Variants in RPRD2 observed in about 807,000 individuals in gnomAD.
RPRD2 encodes the protein regulation of nuclear pre-mRNA domain containing 2.
A neutral mutation model predicts 104.4 loss-of-function variants in RPRD2; 12 were observed. That is an observed-to-expected ratio of 0.11 (90% CI 0.07 to 0.19). The LOEUF is 0.19. Among genes scored for constraint, RPRD2 ranks in the 10% least tolerant of loss-of-function variants. The pLI is 1.00. For missense variants in RPRD2, 1,543 were observed against 1,790.1 expected (o/e 0.86, Z 2.49); for synonymous variants, 714 against 684.9 (o/e 1.04, Z -0.66).
chr1:150,461,170 G>A (rs1553898752), intron 9 of RPRD2, among the ~76,000 whole-genome samples: 1 of 151,916 alleles, frequency 6.6e-6, no homozygotes, highest in African/African-American at 2.4e-5. Context: ...TGAGATGGTA[G>A]ATTGCCTGAG....
rs1553876874 is a variant in RPRD2, at chr1:150,364,754, T to TCCTCGTCGG, written c.45_53dup (p.Ser18_Ala20dup). 3.1e-6 allele frequency: 5 copies of TCCTCGTCGG among 1,600,148 alleles called. No homozygotes were observed. In the African/African-American group the frequency reaches 6.7e-5, roughly 21 times the overall value. ...CGGCGGAGGCAGCAGTAAGGCCTCC[T>TCCTCGTCGG]CCTCGTCGGCCTCTTCGGCAGGGGC... On this transcript the variant is annotated inframe_insertion, in exon 1 of 11. Coordinates refer to ENST00000369068, the MANE Select transcript of RPRD2 (RefSeq NM_015203.5).
At chr1:150,468,142 A>T (rs1668395429) in intron 10 of RPRD2, among the ~76,000 whole-genome samples, 1 of 152,130 alleles carries the variant, frequency 6.6e-6, no homozygotes, top group African/African-American at 2.4e-5. Context: ...TCTGTCTCAA[A>T]AAAAGAGAAA....
intron 1 of RPRD2, among the ~76,000 whole-genome samples, chr1:150,380,013 C>T (rs1364904384): frequency 6.6e-6 from 1 of 152,048 alleles, no homozygotes; most frequent in Non-Finnish European, 1.5e-5. Flanking sequence ...CGCATATTGC[C>T]CGATCGTCTC....
At chr1:150,384,667 GTGTGTGTGTGTGTGTT>G (rs1272302548) in intron 1 of RPRD2, among the ~76,000 whole-genome samples, 7 of 148,644 alleles carry the variant, frequency 4.7e-5, no homozygotes, top group African/African-American at 1.0e-4. Context: ...GTGTGTGTGT[GTGTGTGTGTGTGTGTT>G]TTTAGTAGAG....
At chr1:150,370,151 A>G (rs1553878074) in intron 1 of RPRD2, among the ~76,000 whole-genome samples, 2 of 152,162 alleles carry the variant, frequency 1.3e-5, no homozygotes, top group African/African-American at 4.8e-5. Context: ...GGCTCAAGCT[A>G]TCTGCCTGCC....
At chr1:150,448,308 A>G (rs1290955937) in intron 7 of RPRD2, among the ~76,000 whole-genome samples, 1 of 152,040 alleles carries the variant, frequency 6.6e-6, no homozygotes, top group Non-Finnish European at 1.5e-5. Flanking sequence ...AGCTGGGATT[A>G]CAGGTGCATG....
Position 150,450,555 on chromosome 1 carries a change from G to A in RPRD2, c.870+4154G>A, listed in dbSNP as rs185959385. ...CAGGAGGCGGAGCTTGCAGTGAGCCGAGATCGCGCCACTGCACTCCAGCCT... is the reference window on the plus strand; with the variant it reads ...CAGGAGGCGGAGCTTGCAGTGAGCCAAGATCGCGCCACTGCACTCCAGCCT... On this transcript the variant is annotated intron_variant, in intron 7 of 10. Coordinates refer to ENST00000369068, the MANE Select transcript of RPRD2 (RefSeq NM_015203.5). Among the ~76,000 whole-genome samples the A allele has an allele frequency of 3.0e-3, 417 of 138,020 alleles. 4 individuals carry two copies. Among genetic ancestry groups the A allele is most frequent in the Non-Finnish European group, 4.6e-4 (30 of 65,012 alleles). The allele number at this position is 138,020 out of a possible 152,430, so 90.5% of individuals were successfully genotyped here. A position where few individuals can be genotyped will look rare whatever the true frequency, so the allele number is the denominator to read the frequency against.
chr1:150,462,362 T>C (rs1388922618), intron 9 of RPRD2, among the ~76,000 whole-genome samples: 1 of 151,682 alleles, frequency 6.6e-6, no homozygotes, highest in African/African-American at 2.4e-5. Flanking sequence ...TAAGTATCAT[T>C]TGAACCCAGA....
intron 1 of RPRD2, among the ~76,000 whole-genome samples, chr1:150,392,921 A>G (rs1240662640): frequency 2.6e-5 from 4 of 152,204 alleles, no homozygotes; most frequent in Non-Finnish European, 5.9e-5. Flanking sequence ...GCATAGAAAA[A>G]GGCAGGGCAA....
intron 2 of RPRD2, among the ~76,000 whole-genome samples, chr1:150,435,341 TCACA>T (rs1665922271): frequency 6.6e-6 from 1 of 151,948 alleles, no homozygotes; most frequent in Non-Finnish European, 1.5e-5. Flanking sequence ...AAAGGAAGAG[TCACA>T]CATCTTTTGC....
chr1:150,453,974 A>AT (rs2102396407), intron 7 of RPRD2, among the ~76,000 whole-genome samples: 1 of 152,110 alleles, frequency 6.6e-6, no homozygotes, highest in Admixed American at 6.5e-5. Context: ...TGGAATGTAG[A>AT]TTTTTCCCAC....
At chr1:150,423,983 G>C (rs55742549) in intron 2 of RPRD2, among the ~76,000 whole-genome samples, 68 of 151,776 alleles carry the variant, frequency 4.5e-4, no homozygotes, top group South Asian at 1.7e-3. Context: ...GTAGAGACGG[G>C]GTTTCTCCAT....
At chr1:150,432,012 T>G (rs1394567402) in intron 2 of RPRD2, among the ~76,000 whole-genome samples, 5 of 151,800 alleles carry the variant, frequency 3.3e-5, no homozygotes, top group African/African-American at 1.2e-4. Context: ...AAAATAAAGT[T>G]TTGGAGTTTG....
At chr1:150,396,306 T>A (rs1662520569) in intron 1 of RPRD2, among the ~76,000 whole-genome samples, 1 of 152,144 alleles carries the variant, frequency 6.6e-6, no homozygotes, top group South Asian at 2.1e-4. Context: ...GTGGATTGTC[T>A]GTTTACTCTT....
intron 2 of RPRD2, among the ~76,000 whole-genome samples, chr1:150,419,629 T>G (rs1296483591): frequency 6.6e-6 from 1 of 152,208 alleles, no homozygotes; most frequent in African/African-American, 2.4e-5. Flanking sequence ...CCTTAATTTT[T>G]TCTTTTTTTG....
chr1:150,435,476 G>GTTA (rs1254253255), intron 2 of RPRD2, among the ~76,000 whole-genome samples: 2 of 152,186 alleles, frequency 1.3e-5, no homozygotes, highest in African/African-American at 4.8e-5. Context: ...GTTCTTGTAG[G>GTTA]AAATTAAAAA....
intron 1 of RPRD2, among the ~76,000 whole-genome samples, chr1:150,415,392 G>A (rs1017107007): frequency 6.6e-6 from 1 of 151,678 alleles, no homozygotes; most frequent in African/African-American, 2.4e-5. Flanking sequence ...AATACAAGAA[G>A]CGAGGATAAG....
chr1:150,453,171 T>C (rs112344244), intron 7 of RPRD2, among the ~76,000 whole-genome samples: 1 of 152,140 alleles, frequency 6.6e-6, no homozygotes, highest in Non-Finnish European at 1.5e-5. Context: ...TAGCTGGTAC[T>C]ACAGGCGCAC....
At chr1:150,397,308 T>G (rs1439172217) in intron 1 of RPRD2, among the ~76,000 whole-genome samples, 1 of 152,190 alleles carries the variant, frequency 6.6e-6, no homozygotes, top group Non-Finnish European at 1.5e-5. Flanking sequence ...GTTGGTGTTT[T>G]GCTTTTTTTG....
Sources: allele counts gnomAD v4.1 joint callset (sites outside exome capture counted in the v4.1 genomes callset), GRCh38; gene constraint gnomAD v4.1.1; transcripts MANE v1.5; gene names NCBI Gene and HGNC (gene_info 2026-07-23, HGNC 2026-07-21).